NRXN3: variants seen among roughly 807,000 people sequenced by gnomAD.
NRXN3 encodes neurexin 3.
In NRXN3, 32 loss-of-function variants were observed where a neutral mutation model predicts 137.6. The observed-to-expected ratio is 0.23, with a 90% confidence interval of 0.18 to 0.31. The LOEUF (loss-of-function observed/expected upper bound fraction) is 0.31. NRXN3 is among the 10% of genes least tolerant of loss of function. The pLI is 1.00. For missense variants in NRXN3, 1,574 were observed against 2,062.5 expected (o/e 0.76, Z 4.59); for synonymous variants, 798 against 784.5 (o/e 1.02, Z -0.29).
intron 1 of NRXN3, among the ~76,000 whole-genome samples, chr14:78,207,306 G>T (rs891637351): frequency 2.0e-5 from 3 of 151,984 alleles, no homozygotes; most frequent in Non-Finnish European, 4.4e-5. Context: ...CCAGAGCCCT[G>T]CCACCCACCT....
At chr14:79,119,614 A>G (rs1476255460) in intron 15 of NRXN3, among the ~76,000 whole-genome samples, 1 of 152,182 alleles carries the variant, frequency 6.6e-6, no homozygotes, top group African/African-American at 2.4e-5. Flanking sequence ...ATGAATCCAA[A>G]TAGTTCTTTC....
chr14:78,457,193 C>T (rs2094767091), intron 4 of NRXN3, among the ~76,000 whole-genome samples: 1 of 152,026 alleles, frequency 6.6e-6, no homozygotes, highest in Non-Finnish European at 1.5e-5. Context: ...TGCACACCAC[C>T]ACACTCAGCT....
At chr14:78,649,381 C>A in intron 5 of NRXN3, 3 of 555,034 alleles carry the variant, frequency 5.4e-6, no homozygotes, top group Non-Finnish European at 8.5e-6. Flanking sequence ...CTCTCCAACC[C>A]CCCCTTTTAT....
Position 79,671,845 on chromosome 14 carries a change from A to C in NRXN3, c.3616+7896A>C, listed in dbSNP as rs567365392. Reference sequence around the variant, plus strand: ...AACTGGAGCTTGGACTAATGCTAAAATTAAACATAACCACCCAGAAGACAA... The same window carrying C: ...AACTGGAGCTTGGACTAATGCTAAACTTAAACATAACCACCCAGAAGACAA... On this transcript the variant is annotated intron_variant, in intron 17 of 20. Coordinates refer to ENST00000335750, the MANE Select transcript of NRXN3 (RefSeq NM_001330195.2). Among the ~76,000 whole-genome samples, 9 of 152,206 alleles carry C rather than the reference A, an allele frequency of 5.9e-5. No individual in the cohort carries two copies. In the South Asian group the frequency reaches 1.9e-3, roughly 32 times the overall value.
chr14:79,862,143 T>C lies in NRXN3; in HGVS notation c.*179T>C, dbSNP rs1430622122. The C allele has an allele frequency of 3.3e-6, 2 of 597,434 alleles. No individual in the cohort carries two copies. Among genetic ancestry groups the C allele is most frequent in the African/African-American group, 3.7e-5 (2 of 53,616 alleles). 37.0% of individuals were successfully genotyped at this position (597,434 alleles called of 1,614,324 possible). On this transcript the variant is annotated 3_prime_UTR_variant, in exon 21 of 21. Transcript: ENST00000335750. ...GGACACACACACACACAGCGATGCA[T>C]CTCTCTCTAAAGCTCAGCCACGGCT...
intron 1 of NRXN3, among the ~76,000 whole-genome samples, chr14:78,204,793 C>A (rs1320211854): frequency 2.0e-5 from 3 of 152,178 alleles, no homozygotes; most frequent in Admixed American, 6.5e-5. Flanking sequence ...CAAATGTTAG[C>A]ATAAATTCTA....
chr14:78,520,163 C>T (rs910159981), intron 4 of NRXN3, among the ~76,000 whole-genome samples: 7 of 152,180 alleles, frequency 4.6e-5, no homozygotes, highest in Non-Finnish European at 1.0e-4. Context: ...GACCATTTCA[C>T]TCACTGGCCC....
intron 1 of NRXN3, among the ~76,000 whole-genome samples, chr14:78,179,395 G>T (rs1475960335): frequency 6.6e-6 from 1 of 152,230 alleles, no homozygotes; most frequent in African/African-American, 2.4e-5. Context: ...CAGCTTCATT[G>T]CAGTCCCATT....
At chr14:79,804,096 A>C (rs1312799111) in intron 19 of NRXN3, among the ~76,000 whole-genome samples, 1 of 151,806 alleles carries the variant, frequency 6.6e-6, no homozygotes, top group Non-Finnish European at 1.5e-5. Context: ...ATTTGGATCC[A>C]GACTTTAGTA....
chr14:78,593,313 G>A (rs903814030), intron 4 of NRXN3, among the ~76,000 whole-genome samples: 5 of 152,146 alleles, frequency 3.3e-5, no homozygotes, highest in South Asian at 2.1e-4. Context: ...GAGACTGCAC[G>A]AAGATAAAAT....
intron 19 of NRXN3, among the ~76,000 whole-genome samples, chr14:79,796,370 ATCT>A (rs981113132): frequency 1.3e-5 from 2 of 152,148 alleles, no homozygotes; most frequent in Non-Finnish European, 2.9e-5. Flanking sequence ...AGTTTGGTTA[ATCT>A]TCTGTGGTTC....
chr14:79,005,768 C>T (rs2099551196), intron 15 of NRXN3, among the ~76,000 whole-genome samples: 1 of 151,270 alleles, frequency 6.6e-6, no homozygotes, highest in African/African-American at 2.5e-5. Flanking sequence ...TACATGTTTA[C>T]CTGTGTGTGA....
intron 10 of NRXN3, among the ~76,000 whole-genome samples, chr14:78,835,566 G>A (rs896831933): frequency 6.6e-6 from 1 of 152,112 alleles, no homozygotes; most frequent in Non-Finnish European, 1.5e-5. Flanking sequence ...AATGAGATGA[G>A]GGAGTAAGTG....
At chr14:79,745,865 C>G (rs780114199) in intron 19 of NRXN3, among the ~76,000 whole-genome samples, 1 of 152,076 alleles carries the variant, frequency 6.6e-6, no homozygotes, top group African/African-American at 2.4e-5. Flanking sequence ...CTCTTTCTTC[C>G]TCATCACATG....
At chr14:78,417,429 C>T (rs2093202909) in intron 4 of NRXN3, among the ~76,000 whole-genome samples, 1 of 152,220 alleles carries the variant, frequency 6.6e-6, no homozygotes, top group Admixed American at 6.5e-5. Flanking sequence ...CGCAGATGCT[C>T]TCAGGCTGTG....
chr14:79,772,309 G>A (rs1184077887), intron 19 of NRXN3, among the ~76,000 whole-genome samples: 24 of 152,012 alleles, frequency 1.6e-4, no homozygotes, highest in Admixed American at 3.9e-4. Context: ...AAAAGAGCCC[G>A]CATCACCAAG....
chr14:79,635,317 G>A (rs1426644308), intron 16 of NRXN3, among the ~76,000 whole-genome samples: 2 of 152,154 alleles, frequency 1.3e-5, no homozygotes, highest in Admixed American at 1.3e-4. Flanking sequence ...CTCTTGATCG[G>A]ACTTTGATGG....
intron 1 of NRXN3, among the ~76,000 whole-genome samples, chr14:78,225,974 G>GTGGGT (rs1394081828): frequency 8.1e-6 from 1 of 123,718 alleles, no homozygotes; most frequent in Non-Finnish European, 1.7e-5. Context: ...TGTGTGTGTT[G>GTGGGT]GTGTGTGTGT....
intron 15 of NRXN3, among the ~76,000 whole-genome samples, chr14:79,210,975 C>T (rs893544302): frequency 6.6e-6 from 1 of 152,062 alleles, no homozygotes; most frequent in Admixed American, 6.6e-5. Flanking sequence ...GCTTGGATTG[C>T]CTCCTTACCC....
Sources: gnomAD v4.1 joint callset for allele counts (sites outside exome capture counted in the v4.1 genomes callset) on GRCh38, gnomAD v4.1.1 for gene constraint, MANE v1.5 for transcripts, NCBI Gene and HGNC (gene_info 2026-07-23, HGNC 2026-07-21) for gene names.